Variants in SDCCAG8 observed in about 807,000 individuals in gnomAD.
The protein encoded by SDCCAG8 is serologically defined colon cancer antigen 8.
Under a neutral mutation model 101.8 loss-of-function variants are expected in SDCCAG8, and 74 were observed. That is an observed-to-expected ratio of 0.73 (90% CI 0.60 to 0.88). The LOEUF (loss-of-function observed/expected upper bound fraction) is 0.88. SDCCAG8 is among the 40% of genes least tolerant of loss of function. The pLI is 0.00. For missense variants in SDCCAG8, 787 were observed against 822.6 expected (o/e 0.96, Z 0.53); for synonymous variants, 281 against 292.9 (o/e 0.96, Z 0.41).
At chr1:243,292,302 C>T (rs1188323896) in intron 5 of SDCCAG8, among the ~76,000 whole-genome samples, 1 of 152,156 alleles carries the variant, frequency 6.6e-6, no homozygotes, top group Non-Finnish European at 1.5e-5. Flanking sequence ...TCATGGACTG[C>T]AGCCACCAGT....
intron 16 of SDCCAG8, among the ~76,000 whole-genome samples, chr1:243,459,600 A>G (rs1412335493): frequency 6.6e-6 from 1 of 152,186 alleles, no homozygotes; most frequent in African/African-American, 2.4e-5. Flanking sequence ...AAATATTTAG[A>G]AAGCTAATAA....
At chr1:243,300,196 T>G (rs1558257769) in intron 6 of SDCCAG8, among the ~76,000 whole-genome samples, 1 of 152,110 alleles carries the variant, frequency 6.6e-6, no homozygotes, top group Non-Finnish European at 1.5e-5. Context: ...CCCTTTTGCT[T>G]TTTTTTGTTG....
intron 16 of SDCCAG8, among the ~76,000 whole-genome samples, chr1:243,473,363 A>G (rs9428963): frequency 6.6e-6 from 1 of 151,706 alleles, no homozygotes; most frequent in Non-Finnish European, 1.5e-5. Context: ...CCCTCCCCCT[A>G]CCCCTTCTTG....
At chr1:243,302,792 A>C (rs2071659983) in intron 6 of SDCCAG8, among the ~76,000 whole-genome samples, 1 of 152,224 alleles carries the variant, frequency 6.6e-6, no homozygotes, top group Admixed American at 6.5e-5. Context: ...AGGACCTTTA[A>C]GGCTTATTAC....
chr1:243,435,738 A>ATGTGTGTG (rs113830682), intron 16 of SDCCAG8, among the ~76,000 whole-genome samples: 6 of 150,322 alleles, frequency 4.0e-5, no homozygotes, highest in African/African-American at 1.5e-4. Flanking sequence ...GAACATGTGA[A>ATGTGTGTG]TGTGTGTGTG....
At chr1:243,429,275 GCTTA>G (rs777969869) in intron 16 of SDCCAG8, among the ~76,000 whole-genome samples, 2 of 152,016 alleles carry the variant, frequency 1.3e-5, no homozygotes, top group Non-Finnish European at 1.5e-5. Flanking sequence ...ATTTTTTCTA[GCTTA>G]CTTTATTGTA....
chr1:243,415,425 G>A (rs1392643922), intron 13 of SDCCAG8, among the ~76,000 whole-genome samples: 1 of 152,086 alleles, frequency 6.6e-6, no homozygotes. Context: ...AGAGAAAAAA[G>A]TTTTGTGTTT....
At chr1:243,262,676 C>G (rs1169551340) in intron 1 of SDCCAG8, among the ~76,000 whole-genome samples, 2 of 152,072 alleles carry the variant, frequency 1.3e-5, no homozygotes, top group African/African-American at 4.8e-5. Context: ...TTTTTTCAAA[C>G]TATTGAGATA....
At chr1:243,427,202 A>G (rs2081397081) in intron 16 of SDCCAG8, among the ~76,000 whole-genome samples, 1 of 152,226 alleles carries the variant, frequency 6.6e-6, no homozygotes, top group Non-Finnish European at 1.5e-5. Context: ...CTCTTTTTCT[A>G]GATGAAGAAA....
intron 16 of SDCCAG8, among the ~76,000 whole-genome samples, chr1:243,484,298 T>C (rs1664346357): frequency 6.6e-6 from 1 of 152,234 alleles, no homozygotes. Flanking sequence ...AGACACGCAT[T>C]GGCCTTTGCA....
At chr1:243,280,854 G>A (rs2068968764) in intron 4 of SDCCAG8, among the ~76,000 whole-genome samples, 2 of 152,168 alleles carry the variant, frequency 1.3e-5, no homozygotes, top group African/African-American at 4.8e-5. Context: ...TGTTCTGTGT[G>A]AGCCTGAAGA....
chr1:243,330,441 T>G, intron 9 of SDCCAG8, 99 bp from the exon 10 acceptor site: 3 of 1,230,020 alleles, frequency 2.4e-6, no homozygotes, highest in Non-Finnish European at 3.5e-6. Context: ...TTATAGTGAG[T>G]TTTTGCTATT....
At chr1:243,467,545 C>A (rs1001152912) in intron 16 of SDCCAG8, among the ~76,000 whole-genome samples, 1 of 152,200 alleles carries the variant, frequency 6.6e-6, no homozygotes. Context: ...ACCGCAAATC[C>A]ACATTTGAGA....
intron 17 of SDCCAG8, among the ~76,000 whole-genome samples, chr1:243,490,873 C>T (rs1666235225): frequency 6.6e-6 from 1 of 152,250 alleles, no homozygotes; most frequent in Non-Finnish European, 1.5e-5. Flanking sequence ...GTGGGCAGGT[C>T]CCCAGGGAGG....
At chr1:243,390,308 C>A (rs1189088570) in intron 13 of SDCCAG8, among the ~76,000 whole-genome samples, 1 of 152,170 alleles carries the variant, frequency 6.6e-6, no homozygotes, top group Non-Finnish European at 1.5e-5. Context: ...ATCTTCAAGG[C>A]TTGAAATAGA....
intron 16 of SDCCAG8, among the ~76,000 whole-genome samples, chr1:243,463,182 G>A (rs6690699): frequency 0.039 from 5,978 of 152,246 alleles, 367 homozygotes; most frequent in African/African-American, 0.14. Context: ...CTCTCAAGGA[G>A]CTAACATTTT....
chr1:243,395,141 T>A (rs2078962866), intron 13 of SDCCAG8, among the ~76,000 whole-genome samples: 1 of 152,206 alleles, frequency 6.6e-6, no homozygotes, highest in Admixed American at 6.5e-5. Flanking sequence ...TTTGTTTATG[T>A]TCGTATCATA....
At chr1:243,406,781 CA>C (rs1336470698) in intron 13 of SDCCAG8, among the ~76,000 whole-genome samples, 1 of 152,184 alleles carries the variant, frequency 6.6e-6, no homozygotes, top group Non-Finnish European at 1.5e-5. Context: ...CCCGTCATGC[CA>C]AAACTGTTTG....
chr1:243,311,409 T>C (rs976187072), intron 8 of SDCCAG8, among the ~76,000 whole-genome samples: 7 of 152,024 alleles, frequency 4.6e-5, no homozygotes, highest in Non-Finnish European at 8.8e-5. Context: ...CACAGAAAAA[T>C]ATTTGAAAGT....
Sources: allele counts gnomAD v4.1 joint callset (sites outside exome capture counted in the v4.1 genomes callset), GRCh38; gene constraint gnomAD v4.1.1; transcripts MANE v1.5; gene names NCBI Gene and HGNC (gene_info 2026-07-23, HGNC 2026-07-21).